SGCZ: variants seen among roughly 807,000 people sequenced by gnomAD.
SGCZ encodes sarcoglycan zeta.
In SGCZ, 40 loss-of-function variants were observed where a neutral mutation model predicts 41.3. That is an observed-to-expected ratio of 0.97 (90% confidence interval 0.75 to 1.26). SGCZ has a LOEUF of 1.26. Ranked by LOEUF, SGCZ falls within the 50% of genes most tolerant of loss-of-function variation. The pLI, the probability that SGCZ is intolerant of heterozygous loss-of-function variation, is 0.00. For missense variants in SGCZ, 552 were observed against 369.8 expected (o/e 1.49, Z -4.04); for synonymous variants, 206 against 137.5 (o/e 1.50, Z -3.49).
At chr8:15,174,107 T>C (rs1799931459) in intron 1 of SGCZ, among the ~76,000 whole-genome samples, 1 of 152,288 alleles carries the variant, frequency 6.6e-6, no homozygotes, top group African/African-American at 2.4e-5. Context: ...CAGATCTATT[T>C]TAATGGATGT....
intron 1 of SGCZ, among the ~76,000 whole-genome samples, chr8:14,593,291 G>A (rs1390958677): frequency 2.6e-5 from 4 of 152,138 alleles, no homozygotes; most frequent in Admixed American, 6.5e-5. Context: ...AGTGGTTGGA[G>A]GGATTTGAGG....
chr8:15,223,913 G>A (rs1054647996), intron 1 of SGCZ, among the ~76,000 whole-genome samples: 4 of 151,330 alleles, frequency 2.6e-5, no homozygotes, highest in Admixed American at 6.6e-5. Flanking sequence ...AGAGTGCAAC[G>A]GTGCAATCTC....
chr8:14,732,766 G>T (rs926224070), intron 1 of SGCZ, among the ~76,000 whole-genome samples: 1 of 152,018 alleles, frequency 6.6e-6, no homozygotes, highest in Non-Finnish European at 1.5e-5. Flanking sequence ...TGATAGAGAA[G>T]TATTTTATAA....
intron 2 of SGCZ, among the ~76,000 whole-genome samples, chr8:14,457,897 G>T (rs1800794795): frequency 6.6e-6 from 1 of 152,240 alleles, no homozygotes; most frequent in South Asian, 2.1e-4. Flanking sequence ...TGGTGGTAGT[G>T]GTCCCCGGGG....
At chr8:14,622,677 G>C (rs748056579) in intron 1 of SGCZ, among the ~76,000 whole-genome samples, 7 of 152,168 alleles carry the variant, frequency 4.6e-5, no homozygotes, top group Non-Finnish European at 7.4e-5. Flanking sequence ...AAGCTAGCAA[G>C]TGCCTTGGGT....
chr8:14,435,104 T>C (rs1225856914), intron 2 of SGCZ, among the ~76,000 whole-genome samples: 5 of 152,172 alleles, frequency 3.3e-5, no homozygotes, highest in Non-Finnish European at 7.4e-5. Context: ...AATGCAAAAA[T>C]ATTAATAAAA....
At chr8:14,391,460 G>T (rs925758076) in intron 2 of SGCZ, among the ~76,000 whole-genome samples, 4 of 152,040 alleles carry the variant, frequency 2.6e-5, no homozygotes, top group Admixed American at 2.6e-4. Context: ...AAAGATTAAT[G>T]TTGTAACCCA....
chr8:14,929,233 C>T (rs538642739), intron 1 of SGCZ, among the ~76,000 whole-genome samples: 1 of 152,234 alleles, frequency 6.6e-6, no homozygotes, highest in African/African-American at 2.4e-5. Context: ...CCTCGTGATC[C>T]ACCCGCCTCG....
intron 1 of SGCZ, among the ~76,000 whole-genome samples, chr8:15,120,682 G>A (rs968519274): frequency 1.3e-5 from 2 of 151,950 alleles, no homozygotes; most frequent in Admixed American, 6.6e-5. Context: ...GAATTGACAT[G>A]CTCAGCCCAT....
At chr8:15,076,790 A>T (rs1295676290) in intron 1 of SGCZ, among the ~76,000 whole-genome samples, 1 of 141,416 alleles carries the variant, frequency 7.1e-6, no homozygotes, top group Non-Finnish European at 1.5e-5. Flanking sequence ...CTTTCTCTGC[A>T]CACCGCCTCC....
intron 1 of SGCZ, among the ~76,000 whole-genome samples, chr8:15,087,095 C>T (rs958379518): frequency 2.6e-5 from 4 of 152,168 alleles, no homozygotes; most frequent in Admixed American, 6.5e-5. Context: ...ATCACATACC[C>T]TCTCCGTACT....
Position 14,712,899 on chromosome 8 carries a change from C to T in SGCZ, c.40-157973G>A, listed in dbSNP as rs1226353812. On this transcript the variant is annotated intron_variant, in intron 1 of 7. Transcript: ENST00000382080. ...ACATTTTGGCAATTCCAAAATGTGA[C>T]CTGGTTTTTAAACAATAAACCAATT... Among the ~76,000 whole-genome samples, 8 of 151,742 alleles carry T rather than the reference C, an allele frequency of 5.3e-5. No individual in the cohort carries two copies. The East Asian group carries it at 1.6e-3, about 30-fold the overall frequency.
intron 1 of SGCZ, among the ~76,000 whole-genome samples, chr8:14,642,239 C>T (rs1807049318): frequency 6.6e-6 from 1 of 151,536 alleles, no homozygotes; most frequent in East Asian, 1.9e-4. Flanking sequence ...GGGACAAAAT[C>T]ATTTACAAAG....
chr8:14,857,953 A>G (rs1033967500), intron 1 of SGCZ, among the ~76,000 whole-genome samples: 5 of 152,182 alleles, frequency 3.3e-5, no homozygotes, highest in African/African-American at 1.2e-4. Flanking sequence ...TGGAATGGGC[A>G]AGATTCAAAA....
chr8:14,365,597 T>C (rs982519343), intron 2 of SGCZ, among the ~76,000 whole-genome samples: 2 of 152,144 alleles, frequency 1.3e-5, no homozygotes, highest in African/African-American at 2.4e-5. Flanking sequence ...TACTATTCTC[T>C]TGAAAAGTTT....
intron 5 of SGCZ, among the ~76,000 whole-genome samples, chr8:14,156,397 G>A (rs1803877025): frequency 6.6e-6 from 1 of 152,068 alleles, no homozygotes; most frequent in East Asian, 1.9e-4. Context: ...GGAGGTGGAG[G>A]TTGCAGTGAG....
intron 1 of SGCZ, among the ~76,000 whole-genome samples, chr8:14,769,708 T>C (rs917316968): frequency 5.5e-5 from 8 of 145,954 alleles, no homozygotes; most frequent in Admixed American, 2.1e-4. Flanking sequence ...AGGAGAATCA[T>C]CACTTAAACC....
intron 1 of SGCZ, among the ~76,000 whole-genome samples, chr8:15,012,231 G>C (rs1157744981): frequency 6.6e-6 from 1 of 151,850 alleles, no homozygotes; most frequent in Non-Finnish European, 1.5e-5. Flanking sequence ...GGGAAGATGA[G>C]GTGGGAGGAT....
chr8:14,888,061 C>T (rs199990278), intron 1 of SGCZ, among the ~76,000 whole-genome samples: 3 of 152,020 alleles, frequency 2.0e-5, no homozygotes, highest in East Asian at 3.9e-4. Context: ...TCTATCACAA[C>T]GTCACTCTGT....
Sources: allele counts gnomAD v4.1 joint callset (sites outside exome capture counted in the v4.1 genomes callset), GRCh38; gene constraint gnomAD v4.1.1; transcripts MANE v1.5; gene names NCBI Gene and HGNC (gene_info 2026-07-23, HGNC 2026-07-21).